HS6ST2: variants seen among roughly 807,000 people sequenced by gnomAD.
HS6ST2 encodes the protein heparan sulfate 6-O-sulfotransferase 2, also known as heparan-sulfate 6-O-sulfotransferase 2.
Under a neutral mutation model 33.0 loss-of-function variants are expected in HS6ST2, and 17 were observed. The ratio of observed to expected loss-of-function variants is 0.52; its 90% CI spans 0.35 to 0.77. HS6ST2 has a LOEUF of 0.77. HS6ST2 is among the 30% of genes least tolerant of loss of function. The pLI is 0.01. For missense variants in HS6ST2, 519 were observed against 551.7 expected (o/e 0.94, Z 0.59); for synonymous variants, 248 against 237.1 (o/e 1.05, Z -0.42).
chrX:132,829,095 T>C (rs2148386251), intron 2 of HS6ST2, among the ~76,000 whole-genome samples: 1 of 101,265 alleles, frequency 9.9e-6, no homozygotes, highest in South Asian at 4.4e-4. Flanking sequence ...CTTCCTCTTA[T>C]TCTGATCTGG....
At chrX:132,852,398 A>G (rs1299527440) in intron 2 of HS6ST2, among the ~76,000 whole-genome samples, 6 of 111,830 alleles carry the variant, frequency 5.4e-5, no homozygotes, top group Admixed American at 4.7e-4. Flanking sequence ...CATAAACCTT[A>G]TATGTCCCTC....
intron 2 of HS6ST2, among the ~76,000 whole-genome samples, chrX:132,845,235 G>T (rs1224762228): frequency 9.1e-6 from 1 of 109,511 alleles, no homozygotes; most frequent in Non-Finnish European, 1.9e-5. Context: ...AAATTACATA[G>T]ATAAATATCA....
chrX:132,932,759 T>C (rs2066786468), intron 2 of HS6ST2, among the ~76,000 whole-genome samples: 1 of 108,467 alleles, frequency 9.2e-6, no homozygotes, highest in South Asian at 4.0e-4. Flanking sequence ...TAAAGGAAGG[T>C]ATAATGACAA....
chrX:132,671,519 G>C (rs1472096529), intron 3 of HS6ST2, among the ~76,000 whole-genome samples: 7 of 105,802 alleles, frequency 6.6e-5, no homozygotes, highest in African/African-American at 2.4e-4. Flanking sequence ...TTGGGCACTA[G>C]GGTCCTCTAT....
chrX:132,847,777 C>T (rs2065765940), intron 2 of HS6ST2, among the ~76,000 whole-genome samples: 1 of 111,509 alleles, frequency 9.0e-6, no homozygotes, highest in Non-Finnish European at 1.9e-5. Context: ...TCAGGTTAAT[C>T]AACCTTACTG....
chrX:132,799,831 A>T (rs767682220), intron 2 of HS6ST2, among the ~76,000 whole-genome samples: 1 of 112,026 alleles, frequency 8.9e-6, no homozygotes, highest in African/African-American at 3.2e-5. Flanking sequence ...TATGGAGGTG[A>T]TTCAATGAAG....
intron 2 of HS6ST2, among the ~76,000 whole-genome samples, chrX:132,938,196 G>GA (rs990739156): frequency 1.9e-5 from 2 of 104,447 alleles, no homozygotes; most frequent in African/African-American, 6.9e-5. Context: ...AAAATAAAGA[G>GA]AAAAAAACAC....
In HS6ST2 at chrX:132,828,678, T is replaced by TTATATATATATA. The variant is rs1176610550; in HGVS notation, c.948-120196_948-120185dup. ...CTGGGGATAATGGAAATATCATATT[T>TTATATATATATA]TATATATATATATATACACACACAC... On this transcript the variant is annotated intron_variant, in intron 2 of 4. Coordinates refer to ENST00000370833, the MANE Select transcript of HS6ST2 (RefSeq NM_001394073.1). 4.9e-4 allele frequency among the ~76,000 whole-genome samples: 26 copies of TTATATATATATA among 53,192 alleles called. 2 individuals are homozygous for TTATATATATATA. The highest frequency in any genetic ancestry group is 1.9e-3 in the African/African-American group (21 of 10,804). 46.2% of individuals were successfully genotyped at this position (53,192 alleles called of 115,157 possible).
chrX:132,961,074 C>A (rs146919143), upstream of HS6ST2, among the ~76,000 whole-genome samples: 168 of 103,169 alleles, frequency 1.6e-3, 1 homozygote, highest in African/African-American at 5.4e-3. Context: ...CAGTGAATGA[C>A]AAAGGCTCAA....
chrX:132,668,192 A>G (rs1375223435), intron 4 of HS6ST2: 1 of 111,837 alleles, frequency 8.9e-6, no homozygotes, highest in African/African-American at 3.3e-5. Flanking sequence ...CTTTCATTGC[A>G]AAGCTGTGCT....
At chrX:132,871,963 G>T (rs2066064448) in intron 2 of HS6ST2, among the ~76,000 whole-genome samples, 1 of 111,246 alleles carries the variant, frequency 9.0e-6, no homozygotes, top group Non-Finnish European at 1.9e-5. Flanking sequence ...TCCTCATATT[G>T]TCAGCAGTGT....
upstream of HS6ST2, among the ~76,000 whole-genome samples, chrX:132,960,271 G>A (rs2067134188): frequency 1.8e-5 from 2 of 110,684 alleles, no homozygotes; most frequent in South Asian, 4.0e-4. Context: ...GGGTGGCCCC[G>A]GAGCTCTGCT....
chrX:132,657,400 A>G (rs1388716965), intron 4 of HS6ST2, among the ~76,000 whole-genome samples: 1 of 110,176 alleles, frequency 9.1e-6, no homozygotes, highest in Non-Finnish European at 1.9e-5. Flanking sequence ...TCGGTGAGAC[A>G]CTAGGCATGT....
At position 132,629,057 on chromosome X, in the gene HS6ST2, C is replaced by A; in HGVS notation, c.1104G>T (p.Val368=). 8.3e-7 allele frequency: 1 copy of A among 1,201,675 alleles called. No homozygotes were observed. ...FHYITILRDP[V]SRYLSEWRHV... ...GCCTCCACTCACTCAAGTACCGGGA[C>A]ACTGGGTCTCGGAGGATGGTGATGT... The change falls in exon 5 of 5, where the codon GTG becomes GTT. Residue 368 remains valine (V), a synonymous_variant. Coordinates refer to ENST00000370833, the MANE Select transcript of HS6ST2 (RefSeq NM_001394073.1).
intron 3 of HS6ST2, among the ~76,000 whole-genome samples, chrX:132,700,135 T>A (rs967008242): frequency 9.0e-6 from 1 of 111,670 alleles, no homozygotes; most frequent in Admixed American, 9.6e-5. Context: ...GTAGAAGCCA[T>A]GAGAAGAAAG....
intron 2 of HS6ST2, among the ~76,000 whole-genome samples, chrX:132,886,438 G>C (rs1397228379): frequency 3.6e-5 from 4 of 111,480 alleles, no homozygotes; most frequent in African/African-American, 1.3e-4. Flanking sequence ...AACAGCCTCA[G>C]AGACCTGTGA....
At chrX:132,854,230 C>T (rs2065831032) in intron 2 of HS6ST2, among the ~76,000 whole-genome samples, 1 of 112,246 alleles carries the variant, frequency 8.9e-6, no homozygotes, top group Admixed American at 9.4e-5. Flanking sequence ...CCTACAACAT[C>T]CATCTTTTCA....
intron 2 of HS6ST2, among the ~76,000 whole-genome samples, chrX:132,735,854 T>A (rs753012661): frequency 7.3e-4 from 82 of 111,579 alleles, no homozygotes; most frequent in African/African-American, 2.0e-3. Flanking sequence ...TTATTTATTT[T>A]TTTGAGTTGG....
At chrX:132,959,975 C>T (rs1362731099), upstream of HS6ST2, among the ~76,000 whole-genome samples, 1 of 112,143 alleles carries the variant, frequency 8.9e-6, no homozygotes, top group African/African-American at 3.2e-5. Flanking sequence ...TACGTGCCCC[C>T]AAACCTACTG....
Sources: gnomAD v4.1 joint callset for allele counts (sites outside exome capture counted in the v4.1 genomes callset) on GRCh38, gnomAD v4.1.1 for gene constraint, MANE v1.5 for transcripts, NCBI Gene and HGNC (gene_info 2026-07-23, HGNC 2026-07-21) for gene names.